The following TNIP1 variants were observed in gnomAD, a reference collection of about 807,000 sequenced individuals.
The protein encoded by TNIP1 is TNFAIP3 interacting protein 1.
Under a neutral mutation model 86.6 loss-of-function variants are expected in TNIP1, and 22 were observed. That is an observed-to-expected ratio of 0.25 (90% CI 0.18 to 0.36). TNIP1 has a LOEUF of 0.36. TNIP1 is among the 10% of genes least tolerant of loss of function. The probability of loss-of-function intolerance (pLI) is 1.00; values close to 1 mark genes in which losing one functional copy is unlikely to be tolerated. For missense variants in TNIP1, 709 were observed against 820.6 expected (o/e 0.86, Z 1.66); for synonymous variants, 294 against 313.0 (o/e 0.94, Z 0.64).
intron 1 of TNIP1, among the ~76,000 whole-genome samples, chr5:151,070,029 G>T (rs527280611): frequency 6.6e-5 from 10 of 152,272 alleles, no homozygotes; most frequent in African/African-American, 2.4e-4. Context: ...CTGAGAGGGG[G>T]CCTCACCTGC....
chr5:151,043,567 G>C (rs569116865), intron 9 of TNIP1, among the ~76,000 whole-genome samples: 1 of 152,156 alleles, frequency 6.6e-6, no homozygotes, highest in Non-Finnish European at 1.5e-5. Flanking sequence ...TTGAGTTCAG[G>C]AGTTTGAGAC....
At chr5:151,082,178 C>T (rs552093806), upstream of TNIP1, among the ~76,000 whole-genome samples, 1 of 152,300 alleles carries the variant, frequency 6.6e-6, no homozygotes, top group South Asian at 2.1e-4. Context: ...CACACAGATA[C>T]TTGCCCAAAT....
At chr5:151,059,839 G>GTA (rs1489722084) in intron 5 of TNIP1, among the ~76,000 whole-genome samples, 1 of 89,970 alleles carries the variant, frequency 1.1e-5, no homozygotes, top group Non-Finnish European at 2.1e-5. Flanking sequence ...GTGTGTGTGT[G>GTA]TGTGTGTGTG....
chr5:151,067,111 C>T (rs1762325750), intron 1 of TNIP1, among the ~76,000 whole-genome samples: 2 of 152,234 alleles, frequency 1.3e-5, no homozygotes, highest in Admixed American at 1.3e-4. Flanking sequence ...GCTACCCACA[C>T]TCCCATCACA....
At chr5:151,054,134 CTGA>C (rs1760338719) in intron 6 of TNIP1, among the ~76,000 whole-genome samples, 1 of 152,234 alleles carries the variant, frequency 6.6e-6, no homozygotes, top group Admixed American at 6.5e-5. Flanking sequence ...GTAGCAGGGG[CTGA>C]TGTGGATGCC....
At chr5:151,036,615 G>A (rs1055944115) in intron 13 of TNIP1, among the ~76,000 whole-genome samples, 175 bp downstream of exon 13, 33 of 152,208 alleles carry the variant, frequency 2.2e-4, no homozygotes, top group African/African-American at 8.0e-4. Flanking sequence ...AACGACTTAA[G>A]CTAGGGTTAT....
rs79052087 is a variant in TNIP1 at position 151,072,052 on chromosome 5, C to T, written c.-36-6921G>A. On this transcript the variant is annotated intron_variant, in intron 1 of 17. Transcript: ENST00000521591. ...ACTTTCCAGCAAGGAAACCAGTCGA[C>T]GCAGCTACATGGATGAGGAAGCAGA... 7.6e-3 allele frequency among the ~76,000 whole-genome samples: 1,151 copies of T among 152,326 alleles called. 11 individuals carry two copies. The highest frequency in any genetic ancestry group is 0.026 in the African/African-American group (1,075 of 41,570).
chr5:151,035,126 G>A, intron 14 of TNIP1, 59 bp from the exon 15 acceptor site: 1 of 1,573,840 alleles, frequency 6.4e-7, no homozygotes. Context: ...GGCCAGGCCT[G>A]GATCCAGGGC....
At chr5:151,043,081 G>T in intron 9 of TNIP1, 120 bp from the exon 10 acceptor site, 1 of 988,102 alleles carries the variant, frequency 1.0e-6, no homozygotes, top group Non-Finnish European at 1.6e-6. Context: ...AGTGGCTACA[G>T]ACACTGTCTC....
chr5:151,059,822 A>T lies in TNIP1; in HGVS notation c.435+496T>A, dbSNP rs984914967. ...GAGAGAGAGAGAGAGAGAGAGAGAG[A>T]GAGAGAGTGTGTGTGTGTGTGTGTG... On this transcript the variant is annotated intron_variant, in intron 5 of 17. Coordinates refer to ENST00000521591, the MANE Select transcript of TNIP1 (RefSeq NM_006058.5). 2.6e-3 allele frequency among the ~76,000 whole-genome samples: 224 copies of T among 86,466 alleles called. 2 individuals carry two copies. The highest frequency in any genetic ancestry group is 0.012 in the African/African-American group (195 of 16,622). 56.7% of individuals were successfully genotyped at this position (86,466 alleles called of 152,430 possible).
At chr5:151,084,163 C>T (rs375981287), upstream of TNIP1, among the ~76,000 whole-genome samples, 11 of 152,328 alleles carry the variant, frequency 7.2e-5, no homozygotes, top group East Asian at 1.4e-3. Context: ...TCAACCCAGG[C>T]AGGGCATGCC....
chr5:151,073,944 T>C (rs1763104637), intron 1 of TNIP1, among the ~76,000 whole-genome samples: 2 of 152,220 alleles, frequency 1.3e-5, no homozygotes, highest in Non-Finnish European at 2.9e-5. Flanking sequence ...AAAGGATACA[T>C]ACCAAACTGC....
intron 1 of TNIP1, among the ~76,000 whole-genome samples, chr5:151,073,973 C>T (rs1221250793): frequency 6.6e-6 from 1 of 152,168 alleles, no homozygotes; most frequent in Non-Finnish European, 1.5e-5. Context: ...GACTGCTCTA[C>T]AGAAGGACCT....
chr5:151,076,909 G>T (rs1251498706), intron 1 of TNIP1, among the ~76,000 whole-genome samples: 1 of 152,206 alleles, frequency 6.6e-6, no homozygotes, highest in African/African-American at 2.4e-5. Flanking sequence ...ACTCCAAACA[G>T]GGACAGATGT....
intron 12 of TNIP1, among the ~76,000 whole-genome samples, chr5:151,038,875 G>A (rs113042010): frequency 1.3e-5 from 2 of 152,174 alleles, no homozygotes; most frequent in Admixed American, 6.5e-5. Context: ...AGGCACAAGG[G>A]GAAGAGTGCA....
chr5:151,055,399 C>T (rs563104451), intron 6 of TNIP1, among the ~76,000 whole-genome samples: 23 of 152,280 alleles, frequency 1.5e-4, no homozygotes, highest in African/African-American at 2.9e-4. Context: ...AAAGTGGATG[C>T]GCAAAGTGCT....
chr5:151,066,963 T>C (rs142843297), intron 1 of TNIP1, among the ~76,000 whole-genome samples: 347 of 152,156 alleles, frequency 2.3e-3, no homozygotes, highest in Non-Finnish European at 4.1e-3. Flanking sequence ...TCCAAGAGCG[T>C]CCATAGGATG....
intron 5 of TNIP1, among the ~76,000 whole-genome samples, chr5:151,058,943 G>A (rs1055341421): frequency 5.3e-5 from 8 of 152,210 alleles, no homozygotes; most frequent in African/African-American, 2.4e-5. Context: ...GAACACCTGT[G>A]TAATGGCGTC....
intron 6 of TNIP1, among the ~76,000 whole-genome samples, chr5:151,053,651 A>G (rs1035640381): frequency 6.6e-6 from 1 of 152,224 alleles, no homozygotes; most frequent in Admixed American, 6.5e-5. Context: ...GAGTTGTTCA[A>G]TCTTTCCACA....
Sources: allele counts gnomAD v4.1 joint callset (sites outside exome capture counted in the v4.1 genomes callset), GRCh38; gene constraint gnomAD v4.1.1; transcripts MANE v1.5; gene names NCBI Gene and HGNC (gene_info 2026-07-23, HGNC 2026-07-21).